The following TBCK variants were observed in gnomAD, a reference collection of about 807,000 sequenced individuals.
The protein encoded by TBCK is TBC domain-containing protein kinase-like protein.
In TBCK, 99 loss-of-function variants were observed where a neutral mutation model predicts 113.4. That is an observed-to-expected ratio of 0.87 (90% CI 0.74 to 1.03). TBCK has a LOEUF of 1.03. Among genes scored for constraint, TBCK ranks in the 50% least tolerant of loss-of-function variants. The pLI is 0.00. For missense variants in TBCK, 1,045 were observed against 1,061.3 expected (o/e 0.98, Z 0.21); for synonymous variants, 369 against 370.8 (o/e 1.00, Z 0.05).
intron 23 of TBCK, among the ~76,000 whole-genome samples, chr4:106,117,506 C>T (rs569183377): frequency 1.3e-5 from 2 of 152,272 alleles, no homozygotes; most frequent in East Asian, 3.9e-4. Context: ...AGACTCCAGG[C>T]TATCAAACCC....
At chr4:106,241,125 G>GA in intron 12 of TBCK, among the ~76,000 whole-genome samples, 2 of 150,874 alleles carry the variant, frequency 1.3e-5, no homozygotes, top group Non-Finnish European at 3.0e-5. Context: ...TAAAATGTTG[G>GA]AAAAAATCAT....
Position 106,106,050 on chromosome 4 carries a change from G to C in TBCK, c.2411+10153C>G, listed in dbSNP as rs868482460. Among the ~76,000 whole-genome samples the C allele has an allele frequency of 1.3e-3, 198 of 151,832 alleles. 1 individual carries two copies. Among genetic ancestry groups the C allele is most frequent in the African/African-American group, 4.4e-3 (182 of 41,390 alleles). ...AGCCGATGAAAGAATCTCACAATTC[G>C]AAGACTGGTTCTTTGAAGTAAGGCA... On this transcript the variant is annotated intron_variant, in intron 24 of 25. Coordinates refer to ENST00000394708, the MANE Select transcript of TBCK (RefSeq NM_001163435.3).
Position 106,247,264 on chromosome 4 carries a change from T to A in TBCK, c.806A>T (p.Lys269Met). Residue 269 changes from lysine to methionine, a missense_variant, in exon 10 of 26, where the codon AAG becomes ATG. Physicochemically the swap from Lys to Met is moderately conservative, Grantham distance 95. Coordinates refer to ENST00000394708, the MANE Select transcript of TBCK (RefSeq NM_001163435.3). ...SKRPTPDQLM[K>M]DKVFSEVSPL... Reference sequence around the variant, plus strand: ...TGATACCTCACTGAATACTTTGTCCTTCATTAATTGATCTGGGGTTGGCCT... The same window carrying A: ...TGATACCTCACTGAATACTTTGTCCATCATTAATTGATCTGGGGTTGGCCT... 1 of 1,611,612 alleles carries A rather than the reference T, an allele frequency of 6.2e-7. No homozygotes were observed. Among genetic ancestry groups the A allele is most frequent in the Non-Finnish European group, 8.5e-7 (1 of 1,178,168 alleles).
intron 3 of TBCK, among the ~76,000 whole-genome samples, chr4:106,264,842 T>C (rs1028602606): frequency 1.3e-5 from 2 of 152,006 alleles, no homozygotes; most frequent in African/African-American, 4.8e-5. Flanking sequence ...ATGAGTAGAA[T>C]ATTTTCATGC....
intron 2 of TBCK, among the ~76,000 whole-genome samples, chr4:106,300,358 T>C (rs1766810214): frequency 6.6e-6 from 1 of 152,138 alleles, no homozygotes; most frequent in African/African-American, 2.4e-5. Flanking sequence ...AGGAGTTGAA[T>C]AAGGAGTAGG....
At position 106,095,593 on chromosome 4, in the gene TBCK, A is replaced by G. The variant is rs1310301268; in HGVS notation, c.2460T>C (p.Ala820=). ...ISGSINIPFS[A]AFTAEGELTQ... ...TAAGCTCCCCTTCTGCAGTGAAGGC[A>G]GCACTGAATGGAATGTTGATGCTTC... is the stretch of plus-strand genomic sequence containing the variant. Residue 820 remains alanine (A), a synonymous_variant, in exon 25 of 26, where the codon GCT becomes GCC. Transcript: ENST00000394708. 4 of 1,614,084 alleles carry G rather than the reference A, an allele frequency of 2.5e-6. No homozygotes were observed. In the Admixed American group the frequency reaches 5.0e-5, roughly 20 times the overall value.
chr4:106,059,445 A>G (rs1735792092), intron 25 of TBCK, among the ~76,000 whole-genome samples: 2 of 151,734 alleles, frequency 1.3e-5, no homozygotes, highest in Admixed American at 6.6e-5. Flanking sequence ...AAACGTTTTC[A>G]TTATTATTAT....
intron 19 of TBCK, among the ~76,000 whole-genome samples, chr4:106,215,835 G>A (rs1453677073): frequency 9.9e-5 from 15 of 151,592 alleles, no homozygotes; most frequent in African/African-American, 3.6e-4. Flanking sequence ...AGGATACCCA[G>A]GAATTGAACT....
intron 3 of TBCK, among the ~76,000 whole-genome samples, chr4:106,268,967 A>G (rs1763238374): frequency 6.6e-6 from 1 of 152,046 alleles, no homozygotes; most frequent in Non-Finnish European, 1.5e-5. Context: ...GCCACTCCAC[A>G]AGCCAAAACA....
At chr4:106,177,702 A>C (rs1440438662) in intron 22 of TBCK, among the ~76,000 whole-genome samples, 1 of 151,900 alleles carries the variant, frequency 6.6e-6, no homozygotes, top group Non-Finnish European at 1.5e-5. Context: ...GCAGGTTTTT[A>C]TGTCAGTACA....
At chr4:106,061,957 A>G (rs17036571) in intron 25 of TBCK, among the ~76,000 whole-genome samples, 6,247 of 151,836 alleles carry the variant, frequency 0.041, 433 homozygotes, top group African/African-American at 0.14. Context: ...TGGCAATCAG[A>G]TAAAGACTAT....
chr4:106,120,940 C>G (rs572243565), intron 23 of TBCK, among the ~76,000 whole-genome samples: 2 of 152,288 alleles, frequency 1.3e-5, no homozygotes, highest in South Asian at 4.1e-4. Context: ...CAGTTCCTCA[C>G]CAGCAACGGA....
At chr4:106,206,315 A>G (rs992517114) in intron 20 of TBCK, among the ~76,000 whole-genome samples, 22 of 152,210 alleles carry the variant, frequency 1.4e-4, no homozygotes, top group Admixed American at 3.9e-4. Flanking sequence ...TTTTGGCTAG[A>G]AAGTACCAAA....
At chr4:106,145,415 AT>A (rs1747663430) in intron 23 of TBCK, among the ~76,000 whole-genome samples, 2 of 152,368 alleles carry the variant, frequency 1.3e-5, no homozygotes, top group South Asian at 4.1e-4. Flanking sequence ...TCCATGGCAT[AT>A]AACAACTGTG....
intron 3 of TBCK, among the ~76,000 whole-genome samples, chr4:106,275,898 T>C (rs1370346940): frequency 6.6e-6 from 1 of 152,176 alleles, no homozygotes; most frequent in South Asian, 2.1e-4. Flanking sequence ...ACAGAAATTT[T>C]AGAAATTGAG....
At chr4:106,170,588 TATG>T (rs1352383589) in intron 23 of TBCK, among the ~76,000 whole-genome samples, 2 of 152,122 alleles carry the variant, frequency 1.3e-5, no homozygotes, top group East Asian at 1.9e-4. Context: ...TGGAAATAAT[TATG>T]ATACTATGAT....
chr4:106,095,147 G>A (rs1036256719), intron 25 of TBCK, among the ~76,000 whole-genome samples: 5 of 152,072 alleles, frequency 3.3e-5, no homozygotes, highest in Non-Finnish European at 7.3e-5. Context: ...ATCTCATCAT[G>A]ACCAGCTCTC....
intron 20 of TBCK, among the ~76,000 whole-genome samples, chr4:106,206,525 A>G (rs888722596): frequency 6.6e-6 from 1 of 152,168 alleles, no homozygotes; most frequent in African/African-American, 2.4e-5. Context: ...AGACAAGAGG[A>G]CACATCACAG....
chr4:106,090,478 C>T (rs1488557051), intron 25 of TBCK, among the ~76,000 whole-genome samples: 1 of 152,160 alleles, frequency 6.6e-6, no homozygotes, highest in Non-Finnish European at 1.5e-5. Flanking sequence ...ACTTGGCTCC[C>T]TTTTAGTCAC....
Sources: allele counts gnomAD v4.1 joint callset (sites outside exome capture counted in the v4.1 genomes callset), GRCh38; gene constraint gnomAD v4.1.1; transcripts MANE v1.5; gene names NCBI Gene and HGNC (gene_info 2026-07-23, HGNC 2026-07-21).